CACNB2: variants seen among roughly 807,000 people sequenced by gnomAD.
CACNB2 encodes the protein calcium voltage-gated channel auxiliary subunit beta 2.
Under a neutral mutation model 73.3 loss-of-function variants are expected in CACNB2, and 42 were observed. That is an observed-to-expected ratio of 0.57 (90% CI 0.45 to 0.74). CACNB2 has a LOEUF of 0.74. Among genes scored for constraint, CACNB2 ranks in the 30% least tolerant of loss-of-function variants. The pLI is 0.00. For synonymous variants in CACNB2, 348 were observed against 310.3 expected, an observed-to-expected ratio of 1.12 and a Z score of -1.28; for missense variants, 940 against 853.0, an observed-to-expected ratio of 1.10 and a Z score of -1.27.
At chr10:18,178,504 C>A (rs1386420156) in intron 2 of CACNB2, among the ~76,000 whole-genome samples, 1 of 152,126 alleles carries the variant, frequency 6.6e-6, no homozygotes, top group African/African-American at 2.4e-5. Flanking sequence ...ATCCAGTTGA[C>A]CCACAGATTT....
Position 18,202,659 on chromosome 10 carries a change from A to G in CACNB2, c.213+51684A>G, listed in dbSNP as rs138033488. On this transcript the variant is annotated intron_variant, in intron 2 of 13. Coordinates refer to ENST00000324631, the MANE Select transcript of CACNB2 (RefSeq NM_201596.3). Reference sequence around the variant, plus strand: ...TAATTTCTCAGTCATTGGCCGCCCAATGGCATGAATTGAAAAGGTTGAGCC... The same window carrying G: ...TAATTTCTCAGTCATTGGCCGCCCAGTGGCATGAATTGAAAAGGTTGAGCC... 1.7e-3 allele frequency among the ~76,000 whole-genome samples: 260 copies of G among 152,372 alleles called. 1 individual carries two copies. The highest frequency in any genetic ancestry group is 5.6e-3 in the African/African-American group (232 of 41,594).
At chr10:18,497,176 C>A (rs1343964025) in intron 3 of CACNB2, among the ~76,000 whole-genome samples, 4 of 141,490 alleles carry the variant, frequency 2.8e-5, no homozygotes, top group African/African-American at 1.1e-4. Flanking sequence ...TGCACCACTG[C>A]ACTCCAGCCT....
chr10:18,279,395 CTTGCTTAAGAAACGA>C (rs1276986968), intron 2 of CACNB2, among the ~76,000 whole-genome samples: 1 of 152,180 alleles, frequency 6.6e-6, no homozygotes, highest in Non-Finnish European at 1.5e-5. Flanking sequence ...TGGTTAGATC[CTTGCTTAAGAAACGA>C]TTGTTTGTAA....
At chr10:18,426,895 C>T (rs1029045883) in intron 3 of CACNB2, among the ~76,000 whole-genome samples, 1 of 145,942 alleles carries the variant, frequency 6.9e-6, no homozygotes, top group Non-Finnish European at 1.5e-5. Context: ...TTCTAGTTTG[C>T]TGTTTTTTTC....
chr10:18,237,330 G>A (rs1304250001), intron 2 of CACNB2, among the ~76,000 whole-genome samples: 2 of 152,320 alleles, frequency 1.3e-5, no homozygotes, highest in African/African-American at 2.4e-5. Flanking sequence ...CTCAAATCCA[G>A]TATGACTGAT....
intron 2 of CACNB2, among the ~76,000 whole-genome samples, chr10:18,152,744 A>AAAAAAAAGC (rs1554760499): frequency 7.2e-6 from 1 of 138,016 alleles, no homozygotes. Flanking sequence ...AAAAAACAAA[A>AAAAAAAAGC]CACTAGCTCC....
chr10:18,509,991 A>T (rs1164652685), intron 6 of CACNB2, among the ~76,000 whole-genome samples: 1 of 152,242 alleles, frequency 6.6e-6, no homozygotes, highest in East Asian at 1.9e-4. Context: ...TTAAAAGGAG[A>T]ACCATCTGAG....
At chr10:18,406,375 G>A (rs958685206) in intron 3 of CACNB2, among the ~76,000 whole-genome samples, 4 of 152,184 alleles carry the variant, frequency 2.6e-5, no homozygotes, top group African/African-American at 4.8e-5. Context: ...TACACAGCAG[G>A]AGGTGAACAG....
intron 2 of CACNB2, among the ~76,000 whole-genome samples, chr10:18,375,120 G>C (rs1589174124): frequency 6.6e-6 from 1 of 152,114 alleles, no homozygotes; most frequent in African/African-American, 2.4e-5. Flanking sequence ...CGGGAGGCAG[G>C]AAGATTGCTT....
intron 2 of CACNB2, among the ~76,000 whole-genome samples, chr10:18,364,940 T>G (rs957411866): frequency 1.3e-5 from 2 of 152,218 alleles, no homozygotes; most frequent in Non-Finnish European, 2.9e-5. Flanking sequence ...CAATTTCTCT[T>G]GCACTTAGGA....
At chr10:18,182,035 G>T (rs1264247453) in intron 2 of CACNB2, 2 of 152,254 alleles carry the variant, frequency 1.3e-5, no homozygotes, top group Non-Finnish European at 2.9e-5. Context: ...TGGTACCAAA[G>T]AATAGGTCTG....
chr10:18,378,740 T>A (rs537970685), intron 2 of CACNB2, among the ~76,000 whole-genome samples: 1 of 152,162 alleles, frequency 6.6e-6, no homozygotes, highest in African/African-American at 2.4e-5. Context: ...AAACCCTGTC[T>A]CAAAAAATAG....
chr10:18,419,978 A>G (rs575356809), intron 3 of CACNB2, among the ~76,000 whole-genome samples: 3 of 152,324 alleles, frequency 2.0e-5, no homozygotes, highest in South Asian at 4.1e-4. Context: ...GGACATTTCT[A>G]TAAGTTCTAG....
chr10:18,406,010 G>A (rs918648860), intron 3 of CACNB2, among the ~76,000 whole-genome samples: 2 of 152,098 alleles, frequency 1.3e-5, no homozygotes, highest in Non-Finnish European at 1.5e-5. Flanking sequence ...CTTCTTAGCC[G>A]AATAGAATAA....
intron 2 of CACNB2, among the ~76,000 whole-genome samples, chr10:18,243,917 G>C (rs2036761914): frequency 6.6e-6 from 1 of 152,142 alleles, no homozygotes; most frequent in African/African-American, 2.4e-5. Context: ...ACTAAGACAG[G>C]GAACAACGAG....
intron 2 of CACNB2, among the ~76,000 whole-genome samples, chr10:18,326,155 A>C (rs2131984888): frequency 6.6e-6 from 1 of 151,310 alleles, no homozygotes; most frequent in African/African-American, 2.4e-5. Context: ...ACAGTTATTC[A>C]GAGTTAGTGT....
chr10:18,425,674 A>G (rs2045563518), intron 3 of CACNB2, among the ~76,000 whole-genome samples: 1 of 152,270 alleles, frequency 6.6e-6, no homozygotes, highest in South Asian at 2.1e-4. Context: ...TCTCAAAACA[A>G]AACAAAACAA....
intron 2 of CACNB2, among the ~76,000 whole-genome samples, chr10:18,330,183 A>G (rs1208776501): frequency 6.6e-6 from 1 of 152,230 alleles, no homozygotes; most frequent in East Asian, 1.9e-4. Flanking sequence ...AAGATAACAC[A>G]AAGAAGTCCT....
At chr10:18,383,931 C>T (rs2043120640) in intron 2 of CACNB2, among the ~76,000 whole-genome samples, 1 of 152,152 alleles carries the variant, frequency 6.6e-6, no homozygotes, top group Non-Finnish European at 1.5e-5. Context: ...GTCTCAAACT[C>T]CTGACTTCAG....
Sources: gnomAD v4.1 joint callset for allele counts (sites outside exome capture counted in the v4.1 genomes callset) on GRCh38, gnomAD v4.1.1 for gene constraint, MANE v1.5 for transcripts, NCBI Gene and HGNC (gene_info 2026-07-23, HGNC 2026-07-21) for gene names.